The following ATG7 variants were observed in gnomAD, a reference collection of about 807,000 sequenced individuals.
ATG7 encodes ubiquitin-like modifier-activating enzyme ATG7.
In ATG7, 70 loss-of-function variants were observed where a neutral mutation model predicts 82.4. The ratio of observed to expected loss-of-function variants is 0.85; its 90% CI spans 0.70 to 1.04. ATG7 has a LOEUF of 1.04. Ranked by LOEUF, ATG7 falls within the 50% of genes least tolerant of loss-of-function variation. The pLI is 0.00. For missense variants in ATG7, 792 were observed against 864.3 expected (o/e 0.92, Z 1.05); for synonymous variants, 287 against 313.0 (o/e 0.92, Z 0.88).
At chr3:11,484,712 G>A (rs112694104) in intron 20 of ATG7, among the ~76,000 whole-genome samples, 14,468 of 152,126 alleles carry the variant, frequency 0.095, 1,296 homozygotes, top group African/African-American at 0.24. Context: ...CCCCACGACA[G>A]TCCCCAGAGT....
In ATG7 at chr3:11,488,454, C is replaced by T. The variant is rs866792189; in HGVS notation, c.2079+61528C>T. On this transcript the variant is annotated intron_variant, in intron 20 of 20. Transcript: ENST00000693202. ...GGGCAGCGGCGGCTGCGGTCGGTCG[C>T]GGCAGCGGCTCCGCTTCATATCTGC... 5.1e-3 allele frequency: 6,540 copies of T among 1,280,520 alleles called. 62 individuals carry two copies. The highest frequency in any genetic ancestry group is 0.04 in the African/African-American group (2,513 of 62,622). 79.3% of individuals were successfully genotyped at this position (1,280,520 alleles called of 1,614,324 possible).
chr3:11,563,683 CTG>C, the ATG7 span, among the ~76,000 whole-genome samples: 1 of 152,244 alleles, frequency 6.6e-6, no homozygotes, highest in Non-Finnish European at 1.5e-5. Context: ...CAGACTAAAA[CTG>C]AGCGTGCTGA....
rs141562173 is a variant in ATG7 at position 11,495,061 on chromosome 3, G to A, written c.2080-59750G>A. On this transcript the variant is annotated intron_variant, in intron 20 of 20. Transcript: ENST00000693202. ...CACTCCAGCCTGGGTGACAGAGCAA[G>A]AGCAAGGCTCCGTCTCAGAAAAAAA... Among the ~76,000 whole-genome samples, 480 of 152,034 alleles carry A rather than the reference G, an allele frequency of 3.2e-3. 1 individual carries two copies. Among genetic ancestry groups the A allele is most frequent in the African/African-American group, 0.011 (452 of 41,426 alleles).
intron 20 of ATG7, among the ~76,000 whole-genome samples, chr3:11,546,437 G>A (rs978211431): frequency 1.3e-5 from 2 of 152,164 alleles, no homozygotes; most frequent in Non-Finnish European, 2.9e-5. Flanking sequence ...TTCCCAAAAT[G>A]TTGGGATTAC....
intron 20 of ATG7, among the ~76,000 whole-genome samples, chr3:11,513,997 A>G (rs188059769): frequency 2.6e-5 from 4 of 152,286 alleles, no homozygotes; most frequent in East Asian, 3.9e-4. Flanking sequence ...CCAAGTAGCT[A>G]GAAGAACTAC....
downstream of ATG7, chr3:11,558,686 G>C (rs765140042): frequency 6.2e-7 from 1 of 1,613,786 alleles, no homozygotes; most frequent in South Asian, 1.1e-5. Context: ...CTGGAGCCAC[G>C]TGTCACCCAG....
chr3:11,301,273 G>A (rs1232049109), intron 5 of ATG7, among the ~76,000 whole-genome samples: 2 of 151,908 alleles, frequency 1.3e-5, no homozygotes, highest in Non-Finnish European at 2.9e-5. Context: ...CCAAGATGAG[G>A]GCCTTTAAGA....
intron 20 of ATG7, among the ~76,000 whole-genome samples, chr3:11,500,970 T>C (rs1052794170): frequency 4.6e-5 from 7 of 152,186 alleles, no homozygotes; most frequent in Non-Finnish European, 8.8e-5. Flanking sequence ...ATGAAAATAA[T>C]AGGGCCGGGC....
In ATG7 at chr3:11,417,815, A is replaced by AT. The variant is rs372904207; in HGVS notation, c.1957-8975dup. Among the ~76,000 whole-genome samples, 131 of 64,940 alleles carry AT rather than the reference A, an allele frequency of 2.0e-3. 1 individual carries two copies. Among genetic ancestry groups the AT allele is most frequent in the Middle Eastern group, 0.012 (1 of 82 alleles). 42.6% of individuals were successfully genotyped at this position (64,940 alleles called of 152,430 possible). A position where few individuals can be genotyped will look rare whatever the true frequency, so the allele number is the denominator to read the frequency against. On this transcript the variant is annotated intron_variant, in intron 19 of 20. Coordinates refer to ENST00000693202, the MANE Select transcript of ATG7 (RefSeq NM_001349232.2). ...TATTATTATTATTTTATTTTATTTT[A>AT]TTTTTTTTTTTTTTGAGACAGAGTC...
chr3:11,401,218 G>T (rs554721276), intron 19 of ATG7, among the ~76,000 whole-genome samples: 2 of 152,312 alleles, frequency 1.3e-5, no homozygotes, highest in South Asian at 4.1e-4. Context: ...TCTGAAGCAT[G>T]CTCAAGTTTT....
At chr3:11,328,908 G>A (rs899166409) in intron 9 of ATG7, among the ~76,000 whole-genome samples, 1 of 152,198 alleles carries the variant, frequency 6.6e-6, no homozygotes, top group Non-Finnish European at 1.5e-5. Flanking sequence ...CCAACATGGC[G>A]TAACCCCGTC....
chr3:11,395,751 T>C (rs984761607), intron 19 of ATG7, among the ~76,000 whole-genome samples: 2 of 151,668 alleles, frequency 1.3e-5, no homozygotes, highest in Admixed American at 1.3e-4. Flanking sequence ...CCATCCTGGC[T>C]AACACGGTGA....
Position 11,439,732 on chromosome 3 carries a change from G to A in ATG7, c.2079+12806G>A, listed in dbSNP as rs529168419. The stretch of plus-strand genomic sequence containing the variant: ...TTAGGTTTTGAGGTGCGTCTTGAAG[G>A]TTGGAGCTCCAAGTGCAGGAGAGAA... On this transcript the variant is annotated intron_variant, in intron 20 of 20. Coordinates refer to ENST00000693202, the MANE Select transcript of ATG7 (RefSeq NM_001349232.2). Among the ~76,000 whole-genome samples the A allele has an allele frequency of 9.1e-4, 138 of 152,318 alleles. 1 individual carries two copies. Among genetic ancestry groups the A allele is most frequent in the Non-Finnish European group, 1.7e-3 (119 of 68,018 alleles).
intron 20 of ATG7, among the ~76,000 whole-genome samples, chr3:11,456,463 T>A (rs180716947): frequency 9.2e-5 from 14 of 152,358 alleles, no homozygotes; most frequent in Admixed American, 5.9e-4. Flanking sequence ...CAAGTTGTTG[T>A]ATGAAGTACA....
intron 20 of ATG7, among the ~76,000 whole-genome samples, chr3:11,502,203 T>C (rs1261091523): frequency 6.7e-6 from 1 of 148,816 alleles, no homozygotes; most frequent in African/African-American, 2.5e-5. Context: ...GTTAAATTCT[T>C]TTTTTTTTTA....
chr3:11,383,777 A>G (rs2078104818), intron 19 of ATG7, among the ~76,000 whole-genome samples: 1 of 152,218 alleles, frequency 6.6e-6, no homozygotes, highest in Non-Finnish European at 1.5e-5. Flanking sequence ...TCACTTGCTG[A>G]AGTCTAGAAT....
intron 20 of ATG7, among the ~76,000 whole-genome samples, chr3:11,514,140 C>T (rs1362772312): frequency 2.0e-5 from 3 of 152,140 alleles, no homozygotes; most frequent in East Asian, 1.9e-4. Flanking sequence ...AAAATATTAA[C>T]ACCGCTCTTT....
intron 1 of ATG7, among the ~76,000 whole-genome samples, chr3:11,274,179 C>T (rs1239785574): frequency 3.3e-5 from 5 of 152,142 alleles, no homozygotes; most frequent in African/African-American, 9.7e-5. Context: ...TTCCGTTTTT[C>T]GTTCCCAGCC....
chr3:11,550,427 TCTCA>T (rs2071670708), intron 20 of ATG7, among the ~76,000 whole-genome samples: 1 of 152,134 alleles, frequency 6.6e-6, no homozygotes, highest in East Asian at 1.9e-4. Context: ...TGAGACAGGG[TCTCA>T]CTCTCTGTTG....
Sources: gnomAD v4.1 joint callset for allele counts (sites outside exome capture counted in the v4.1 genomes callset) on GRCh38, gnomAD v4.1.1 for gene constraint, MANE v1.5 for transcripts, NCBI Gene and HGNC (gene_info 2026-07-23, HGNC 2026-07-21) for gene names.